The following XXYLT1 variants were observed in gnomAD, a reference collection of about 807,000 sequenced individuals.
XXYLT1 encodes the protein UDP-xylose:alpha-xyloside alpha-1,3-xylosyltransferase.
A neutral mutation model predicts 28.9 loss-of-function variants in XXYLT1; 20 were observed. That is an observed-to-expected ratio of 0.69 (90% confidence interval 0.49 to 1.00). The LOEUF is 1.00. Among genes scored for constraint, XXYLT1 ranks in the 50% least tolerant of loss-of-function variants. The pLI, the probability that XXYLT1 is intolerant of heterozygous loss-of-function variation, is 0.00. For missense variants in XXYLT1, 542 were observed against 560.1 expected, an observed-to-expected ratio of 0.97 and a Z score of 0.33; for synonymous variants, 257 against 253.8, an observed-to-expected ratio of 1.01 and a Z score of -0.12.
chr3:195,143,649 T>C (rs1719603906), intron 3 of XXYLT1, among the ~76,000 whole-genome samples: 1 of 151,372 alleles, frequency 6.6e-6, no homozygotes, highest in African/African-American at 2.4e-5. Flanking sequence ...TGGAGGCATT[T>C]ACCTGAAATT....
intron 3 of XXYLT1, among the ~76,000 whole-genome samples, chr3:195,107,932 G>A (rs1168284119): frequency 6.6e-6 from 1 of 152,086 alleles, no homozygotes; most frequent in Non-Finnish European, 1.5e-5. Context: ...GGCCAGTGCT[G>A]AGGAGGGTCC....
chr3:195,201,760 A>T (rs1431978329), intron 2 of XXYLT1, among the ~76,000 whole-genome samples: 3 of 152,192 alleles, frequency 2.0e-5, no homozygotes, highest in South Asian at 2.1e-4. Context: ...GGATAAAGGC[A>T]TTACAACCTG....
chr3:195,150,429 T>C lies in XXYLT1; in HGVS notation c.785+6020A>G, dbSNP rs1720136345. On this transcript the variant is annotated intron_variant, in intron 3 of 3. Coordinates refer to ENST00000310380, the MANE Select transcript of XXYLT1 (RefSeq NM_152531.5). The surrounding 1 kb of genome is among the most constrained non-coding windows in gnomAD (Gnocchi z 4.7). Reference sequence around the variant, plus strand: ...GTCCTTGGAGTGGGATGACGCAGCCTGCAGAGAAGCTTTCCTTCCGAGCGT... The same window carrying C: ...GTCCTTGGAGTGGGATGACGCAGCCCGCAGAGAAGCTTTCCTTCCGAGCGT... Among the ~76,000 whole-genome samples, 1 of 152,306 alleles carries C rather than the reference T, an allele frequency of 6.6e-6. No individual in the cohort carries two copies.
chr3:195,255,960 A>T lies in XXYLT1; in HGVS notation c.504+14595T>A, dbSNP rs1165050068. On this transcript the variant is annotated intron_variant, in intron 1 of 3. Transcript: ENST00000310380. This position sits in a 1 kb window ranked among gnomAD's most constrained non-coding sequence, Gnocchi z 4.5. ...TCTATGGGCAGCTCCTGGAGGAGGGAGGGAAGGTCCACCCCGGGCAGCCCT... is the reference window on the plus strand; with the variant it reads ...TCTATGGGCAGCTCCTGGAGGAGGGTGGGAAGGTCCACCCCGGGCAGCCCT... 6.6e-6 allele frequency among the ~76,000 whole-genome samples: 1 copy of T among 152,010 alleles called. No homozygotes were observed. The highest frequency in any genetic ancestry group is 1.5e-5 in the Non-Finnish European group (1 of 67,968).
intron 3 of XXYLT1, among the ~76,000 whole-genome samples, chr3:195,106,400 G>A (rs1425469059): frequency 2.0e-5 from 3 of 151,428 alleles, no homozygotes; most frequent in African/African-American, 7.4e-5. Flanking sequence ...CCAACCCCCT[G>A]AAAGGTTCTG....
chr3:195,162,254 G>A (rs1190575543), intron 2 of XXYLT1, among the ~76,000 whole-genome samples: 3 of 152,096 alleles, frequency 2.0e-5, no homozygotes, highest in East Asian at 1.9e-4. Context: ...CCTGCCTTCC[G>A]GGCTCCTGGG....
intron 3 of XXYLT1, among the ~76,000 whole-genome samples, chr3:195,111,994 C>G (rs1717743587): frequency 6.6e-6 from 1 of 152,170 alleles, no homozygotes; most frequent in Non-Finnish European, 1.5e-5. Flanking sequence ...CTCAGGAACT[C>G]ATTTCTTCTA....
At chr3:195,141,024 A>T (rs1719460686) in intron 3 of XXYLT1, among the ~76,000 whole-genome samples, 1 of 152,160 alleles carries the variant, frequency 6.6e-6, no homozygotes, top group East Asian at 1.9e-4. Flanking sequence ...CTCCATCATA[A>T]GAGGATACAA....
intron 3 of XXYLT1, among the ~76,000 whole-genome samples, chr3:195,075,913 T>G (rs567671324): frequency 6.6e-6 from 1 of 151,986 alleles, no homozygotes; most frequent in Non-Finnish European, 1.5e-5. Context: ...CCCTCAGTGC[T>G]GCAACCAGGC....
At chr3:195,097,672 G>T (rs1409454411) in intron 3 of XXYLT1, among the ~76,000 whole-genome samples, 1 of 152,114 alleles carries the variant, frequency 6.6e-6, no homozygotes, top group African/African-American at 2.4e-5. Context: ...GACTGTCCTC[G>T]GCTGCCTCTC....
intron 3 of XXYLT1, among the ~76,000 whole-genome samples, chr3:195,125,661 A>G (rs1718580438): frequency 6.6e-6 from 1 of 152,244 alleles, no homozygotes; most frequent in African/African-American, 2.4e-5. Context: ...TCCAAATGCA[A>G]ATTATCTCAA....
intron 1 of XXYLT1, among the ~76,000 whole-genome samples, chr3:195,269,858 G>A (rs1725960054): frequency 6.6e-6 from 1 of 152,218 alleles, no homozygotes; most frequent in Non-Finnish European, 1.5e-5. Context: ...GAAGACAGAT[G>A]ATAAACAGAG....
chr3:195,266,085 C>T (rs919755686), intron 1 of XXYLT1, among the ~76,000 whole-genome samples: 6 of 152,150 alleles, frequency 3.9e-5, no homozygotes, highest in South Asian at 2.1e-4. Flanking sequence ...GCAAGCAAAG[C>T]GCCATGAGAA....
rs1725434398 is a variant in XXYLT1 at position 195,255,246 on chromosome 3, TGGAGATCCCTGTGACAGTCACGGCA to T, written c.504+15284_504+15308del. ...ACAACAGGGAGCCGCCGACCAGGCC[TGGAGATCCCTGTGACAGTCACGGCA>T]GGACTGGGGCTGCAGGAGTGCAGAG... is the stretch of plus-strand genomic sequence containing the variant. On this transcript the variant is annotated intron_variant, in intron 1 of 3. Coordinates refer to ENST00000310380, the MANE Select transcript of XXYLT1 (RefSeq NM_152531.5). This position sits in a 1 kb window ranked among gnomAD's most constrained non-coding sequence, Gnocchi z 4.5. Among the ~76,000 whole-genome samples the T allele has an allele frequency of 1.3e-5, 2 of 152,186 alleles. No homozygotes were observed. The highest frequency in any genetic ancestry group is 2.4e-5 in the African/African-American group (1 of 41,464).
At chr3:195,199,686 A>G (rs1419474058) in intron 2 of XXYLT1, among the ~76,000 whole-genome samples, 1 of 152,144 alleles carries the variant, frequency 6.6e-6, no homozygotes, top group Non-Finnish European at 1.5e-5. Flanking sequence ...GTTATCATCT[A>G]TCTGCTCCCA....
intron 2 of XXYLT1, among the ~76,000 whole-genome samples, chr3:195,184,295 T>G (rs1722079971): frequency 6.6e-6 from 1 of 152,198 alleles, no homozygotes; most frequent in Non-Finnish European, 1.5e-5. Flanking sequence ...ATTTTTCACA[T>G]AACTTTCCAA....
rs1313972184 is a variant in XXYLT1 at position 195,115,735 on chromosome 3, G to A, written c.785+40714C>T. ...CCTTTGAGCTGAGGTGTTCACGTCC[G>A]AGGTGGAGGAAGGAGGGCGGCAGGT... On this transcript the variant is annotated intron_variant, in intron 3 of 3. Coordinates refer to ENST00000310380, the MANE Select transcript of XXYLT1 (RefSeq NM_152531.5). This position sits in a 1 kb window ranked among gnomAD's most constrained non-coding sequence, Gnocchi z 4.2. Among the ~76,000 whole-genome samples, 1 of 149,176 alleles carries A rather than the reference G, an allele frequency of 6.7e-6. No individual in the cohort carries two copies. Among genetic ancestry groups the A allele is most frequent in the Non-Finnish European group, 1.5e-5 (1 of 67,038 alleles).
At chr3:195,252,772 T>C (rs987517578) in intron 1 of XXYLT1, among the ~76,000 whole-genome samples, 2 of 150,970 alleles carry the variant, frequency 1.3e-5, no homozygotes, top group African/African-American at 4.9e-5. Flanking sequence ...TGTGGTGTTA[T>C]TTATTGTGTG....
At chr3:195,196,601 G>T (rs935377995) in intron 2 of XXYLT1, among the ~76,000 whole-genome samples, 1 of 152,204 alleles carries the variant, frequency 6.6e-6, no homozygotes, top group African/African-American at 2.4e-5. Context: ...GGCAGGCGAT[G>T]AAAACATAGG....
Sources: allele counts gnomAD v4.1 joint callset (sites outside exome capture counted in the v4.1 genomes callset), GRCh38; gene constraint gnomAD v4.1.1; non-coding constraint Gnocchi (gnomAD v3.1); transcripts MANE v1.5; gene names NCBI Gene and HGNC (gene_info 2026-07-23, HGNC 2026-07-21).